The following ANK3 variants were observed in gnomAD, a reference collection of about 807,000 sequenced individuals.
ANK3 encodes ankyrin-3.
ANK3 carries 57 observed loss-of-function variants against 370.9 expected under a neutral mutation model. The observed-to-expected ratio is 0.15, with a 90% CI of 0.12 to 0.19. The LOEUF (loss-of-function observed/expected upper bound fraction) is 0.19. ANK3 is among the 10% of genes least tolerant of loss of function. The pLI is 1.00. For missense variants in ANK3, 4,439 were observed against 5,302.1 expected (o/e 0.84, Z 5.06); for synonymous variants, 1,929 against 1,946.3 (o/e 0.99, Z 0.23).
At chr10:60,583,049 A>G (rs1167030171) in intron 2 of ANK3, among the ~76,000 whole-genome samples, 2 of 152,226 alleles carry the variant, frequency 1.3e-5, no homozygotes, top group African/African-American at 4.8e-5. Flanking sequence ...TGTTGAAGAG[A>G]TATCTGCAAT....
In ANK3 at chr10:60,664,019, G is replaced by A. The variant is rs146009626; in HGVS notation, c.58-48795C>T. The stretch of plus-strand genomic sequence containing the variant: ...TATTGCATCCTGCCTGTCTCAGAAG[G>A]CAAAACAAACAGCCTTCCTGGGAAC... On this transcript the variant is annotated intron_variant, in intron 1 of 43. Coordinates refer to the ANK3 transcript ENST00000373827. 1.2e-3 allele frequency among the ~76,000 whole-genome samples: 185 copies of A among 152,294 alleles called. 2 individuals are homozygous for A. Among genetic ancestry groups the A allele is most frequent in the African/African-American group, 4.2e-3 (174 of 41,558 alleles).
chr10:60,362,786 T>C (rs958354311), intron 1 of ANK3, among the ~76,000 whole-genome samples: 44 of 152,114 alleles, frequency 2.9e-4, no homozygotes, highest in Non-Finnish European at 4.4e-4. Flanking sequence ...TCAGGTACCA[T>C]GGGCGGTGAT....
chr10:60,710,948 G>C (rs952409258), intron 1 of ANK3, among the ~76,000 whole-genome samples: 1 of 152,206 alleles, frequency 6.6e-6, no homozygotes, highest in African/African-American at 2.4e-5. Context: ...CCCTTCAACA[G>C]ATTGGATGAT....
chr10:60,350,799 C>T (rs1219550114), intron 1 of ANK3, among the ~76,000 whole-genome samples: 2 of 152,184 alleles, frequency 1.3e-5, no homozygotes, highest in East Asian at 3.9e-4. Flanking sequence ...CACAGGGTCT[C>T]AGCAGCCCCT....
chr10:60,218,293 T>C lies in ANK3; in HGVS notation c.898-4783A>G, dbSNP rs143738390. Among the ~76,000 whole-genome samples, 604 of 152,280 alleles carry C rather than the reference T, an allele frequency of 4.0e-3. 4 individuals are homozygous for C. The highest frequency in any genetic ancestry group is 0.014 in the African/African-American group (581 of 41,558). The stretch of plus-strand genomic sequence containing the variant: ...TTCGCCCATTTATAGTTAAGGTTAG[T>C]ATTGTTATATGTGAATTTGATCCTG... On this transcript the variant is annotated intron_variant, in intron 8 of 43. Transcript: ENST00000280772.
intron 1 of ANK3, among the ~76,000 whole-genome samples, chr10:60,291,579 A>G (rs1394495183): frequency 2.6e-5 from 4 of 152,066 alleles, no homozygotes; most frequent in African/African-American, 9.7e-5. Flanking sequence ...ATATTATGCA[A>G]TGCACAAATG....
intron 40 of ANK3, among the ~76,000 whole-genome samples, chr10:60,061,042 G>A (rs538280390): frequency 6.6e-6 from 1 of 152,278 alleles, no homozygotes; most frequent in Non-Finnish European, 1.5e-5. Context: ...ACGAAGAGGA[G>A]AGACAGGAAA....
intron 7 of ANK3, among the ~76,000 whole-genome samples, chr10:60,237,958 G>A (rs895848972): frequency 1.3e-5 from 2 of 152,134 alleles, no homozygotes; most frequent in Non-Finnish European, 2.9e-5. Context: ...TCAGAATTTG[G>A]GCTCTAGACC....
chr10:60,236,849 T>C (rs986804141), intron 7 of ANK3, among the ~76,000 whole-genome samples: 2 of 152,258 alleles, frequency 1.3e-5, no homozygotes, highest in Non-Finnish European at 2.9e-5. Context: ...ATGGCAAATA[T>C]ATTCTGCTTT....
chr10:60,724,277 C>A (rs1267357067), intron 1 of ANK3, among the ~76,000 whole-genome samples: 1 of 150,134 alleles, frequency 6.7e-6, no homozygotes, highest in Non-Finnish European at 1.5e-5. Flanking sequence ...CATAGCCCTG[C>A]TGATCTACGG....
At chr10:60,432,017 A>G (rs1227521938) in intron 2 of ANK3, among the ~76,000 whole-genome samples, 1 of 152,186 alleles carries the variant, frequency 6.6e-6, no homozygotes, top group East Asian at 1.9e-4. Context: ...ACATTCAAAG[A>G]AGCCTAAAAT....
chr10:60,575,283 C>T (rs548909710), intron 2 of ANK3, among the ~76,000 whole-genome samples: 2 of 151,658 alleles, frequency 1.3e-5, no homozygotes, highest in Admixed American at 1.3e-4. Context: ...TGGCTGTATT[C>T]ATTTGTATAT....
intron 1 of ANK3, among the ~76,000 whole-genome samples, chr10:60,718,769 A>T (rs183271407): frequency 5.6e-4 from 85 of 152,232 alleles, no homozygotes; most frequent in Non-Finnish European, 5.9e-5. Context: ...AAACCAAGCC[A>T]TTTTAGAGAG....
chr10:60,660,181 AC>A (rs2078917663), intron 1 of ANK3, among the ~76,000 whole-genome samples: 1 of 152,092 alleles, frequency 6.6e-6, no homozygotes, highest in African/African-American at 2.4e-5. Flanking sequence ...CAGAATAAGA[AC>A]CCTCTTTTAT....
At chr10:60,394,486 C>A (rs970045097), upstream of ANK3, among the ~76,000 whole-genome samples, 6 of 152,068 alleles carry the variant, frequency 3.9e-5, no homozygotes, top group East Asian at 1.2e-3. Context: ...ATCTGACTAT[C>A]CAGCTTGACC....
chr10:60,423,714 A>G lies in ANK3; in HGVS notation c.97-144075T>C, dbSNP rs189692594. Among the ~76,000 whole-genome samples, 453 of 152,118 alleles carry G rather than the reference A, an allele frequency of 3.0e-3. 3 individuals carry two copies. The highest frequency in any genetic ancestry group is 0.01 in the African/African-American group (422 of 41,526). On this transcript the variant is annotated intron_variant, in intron 2 of 43. Coordinates refer to the ANK3 transcript ENST00000373827. ...AAGAGCAAGTTGGTCCCCACTCTCC[A>G]CTGTATTTCATGAACAATTAAGTCA... is the stretch of plus-strand genomic sequence containing the variant.
intron 38 of ANK3, 57 bp from the exon 39 acceptor site, chr10:60,064,345 C>G: frequency 6.7e-7 from 1 of 1,489,492 alleles, no homozygotes; most frequent in Non-Finnish European, 9.0e-7. Context: ...TCACACGTTT[C>G]ATAAAAGTAA....
At chr10:60,659,721 T>C (rs775795324) in intron 1 of ANK3, among the ~76,000 whole-genome samples, 5 of 152,040 alleles carry the variant, frequency 3.3e-5, no homozygotes, top group Non-Finnish European at 7.4e-5. Flanking sequence ...TTAAGGTACA[T>C]TGTTGTAAAT....
intron 2 of ANK3, among the ~76,000 whole-genome samples, chr10:60,539,660 A>G (rs1433184851): frequency 6.6e-6 from 1 of 151,918 alleles, no homozygotes; most frequent in Non-Finnish European, 1.5e-5. Context: ...GAAGTAGTCA[A>G]ATGTACATAT....
Sources: allele counts gnomAD v4.1 joint callset (sites outside exome capture counted in the v4.1 genomes callset), GRCh38; gene constraint gnomAD v4.1.1; transcripts MANE v1.5; gene names NCBI Gene and HGNC (gene_info 2026-07-23, HGNC 2026-07-21).